The following CMYA5 variants were observed in gnomAD, a reference collection of about 807,000 sequenced individuals.
CMYA5 encodes the protein cardiomyopathy associated 5.
A neutral mutation model predicts 318.9 loss-of-function variants in CMYA5; 246 were observed. The observed-to-expected ratio is 0.77, with a 90% CI of 0.70 to 0.86. CMYA5 has a LOEUF of 0.86. CMYA5 is among the 40% of genes least tolerant of loss of function. The probability of loss-of-function intolerance (pLI) is 0.00; values close to 1 mark genes in which losing one functional copy is unlikely to be tolerated. For synonymous variants in CMYA5, 1,641 were observed against 1,729.5 expected (o/e 0.95, Z 1.27); for missense variants, 4,589 against 4,678.2 (o/e 0.98, Z 0.56).
Position 79,747,125 on chromosome 5 carries a change from A to G in CMYA5, c.10991+12A>G, listed in dbSNP as rs1828345546. The stretch of plus-strand genomic sequence containing the variant: ...GAAATCAATGAAAGGTATATAAAAC[A>G]TGATACAATGTAGTGGCAAACAGCA... On this transcript the variant is annotated intron_variant, in intron 5 of 12. Transcript: ENST00000446378. 1 of 1,547,754 alleles carries G rather than the reference A, an allele frequency of 6.5e-7. No individual in the cohort carries two copies. Among genetic ancestry groups the G allele is most frequent in the Non-Finnish European group, 8.7e-7 (1 of 1,144,950 alleles).
Position 79,736,928 on chromosome 5 carries a change from G to C in CMYA5, c.8163G>C (p.Lys2721Asn). 1 of 1,613,416 alleles carries C rather than the reference G, an allele frequency of 6.2e-7. No homozygotes were observed. The highest frequency in any genetic ancestry group is 8.5e-7 in the Non-Finnish European group (1 of 1,179,740). ...GTAAAGTTTTGGTGGAGAAAACTAA[G>C]ACTTTCCTGCCAGTGGTTCTTTCTT... ...EESKVLVEKT[K>N]TFLPVVLSCH... is the part of the protein sequence containing the mutation. The change falls in exon 2 of 13, where the codon AAG becomes AAC. Residue 2721 changes from lysine (K) to asparagine (N), a missense_variant. Lys to Asn is a moderately conservative substitution (Grantham distance 94, BLOSUM62 0). Around this residue, in one of 3 missense-constraint regions of CMYA5, gnomAD observed 2,431 missense variants for 2,495.1 expected, o/e 0.97. Transcript: ENST00000446378.
chr5:79,693,751 A>C (rs905473432), intron 1 of CMYA5, among the ~76,000 whole-genome samples: 1 of 152,212 alleles, frequency 6.6e-6, no homozygotes, highest in Non-Finnish European at 1.5e-5. Flanking sequence ...AACTCCTACA[A>C]TGTGCCAGAG....
chr5:79,792,010 TG>T (rs1392226373), intron 11 of CMYA5, among the ~76,000 whole-genome samples: 3 of 152,198 alleles, frequency 2.0e-5, no homozygotes, highest in African/African-American at 7.2e-5. Flanking sequence ...TGTCGGTGGC[TG>T]GCAGGTGCTC....
chr5:79,755,304 C>G (rs1828505837), intron 6 of CMYA5, among the ~76,000 whole-genome samples: 1 of 151,154 alleles, frequency 6.6e-6, no homozygotes, highest in Non-Finnish European at 1.5e-5. Context: ...TTTTTTTTCC[C>G]CACACAGAGT....
At chr5:79,746,238 T>G (rs1258623177) in intron 4 of CMYA5, among the ~76,000 whole-genome samples, 1 of 152,072 alleles carries the variant, frequency 6.6e-6, no homozygotes, top group Non-Finnish European at 1.5e-5. Flanking sequence ...CTTTCAAAGT[T>G]CCCCATCCTC....
intron 9 of CMYA5, among the ~76,000 whole-genome samples, chr5:79,776,988 C>T (rs1461591972): frequency 6.6e-6 from 1 of 152,132 alleles, no homozygotes; most frequent in African/African-American, 2.4e-5. Context: ...GCCAACCCCT[C>T]AAGTTACCTT....
Position 79,730,901 on chromosome 5 carries a change from G to GAAAACA in CMYA5, c.2138_2143dup (p.Lys713_Thr714dup). The GAAAACA allele has an allele frequency of 6.2e-7, 1 of 1,613,956 alleles. No individual in the cohort carries two copies. Among genetic ancestry groups the GAAAACA allele is most frequent in the South Asian group, 1.1e-5 (1 of 91,074 alleles). On this transcript the variant is annotated inframe_insertion, in exon 2 of 13. Transcript: ENST00000446378. ...CACTGGCAACAAAAGAGTCACTGAA[G>GAAAACA]AAAACAATTGACCGTAAGTCCCCGT...
intron 12 of CMYA5, among the ~76,000 whole-genome samples, chr5:79,798,650 T>C (rs1334280148): frequency 6.6e-6 from 1 of 152,194 alleles, no homozygotes; most frequent in African/African-American, 2.4e-5. Flanking sequence ...CCATACAGTA[T>C]GGGATCCCAG....
At chr5:79,702,757 T>G (rs1271774292) in intron 1 of CMYA5, among the ~76,000 whole-genome samples, 1 of 152,178 alleles carries the variant, frequency 6.6e-6, no homozygotes, top group African/African-American at 2.4e-5. Context: ...AATTTTATAG[T>G]ATGTGAATCA....
intron 1 of CMYA5, among the ~76,000 whole-genome samples, chr5:79,727,879 A>G (rs1827779970): frequency 6.6e-6 from 1 of 152,246 alleles, no homozygotes; most frequent in Non-Finnish European, 1.5e-5. Context: ...AGACCAGTCC[A>G]CGGACACAGC....
chr5:79,765,082 G>A (rs1181823320), intron 9 of CMYA5, among the ~76,000 whole-genome samples: 6 of 152,240 alleles, frequency 3.9e-5, no homozygotes, highest in African/African-American at 1.2e-4. Flanking sequence ...GTCCTGAATG[G>A]TATTGCCTAG....
rs1319629963 is a variant in CMYA5, at chr5:79,733,537, A to G, written c.4772A>G (p.Lys1591Arg). Residue 1591 changes from lysine (K) to arginine (R), a missense_variant, in exon 2 of 13, where the codon AAG becomes AGG. Lys to Arg is a conservative substitution (Grantham distance 26). Around this residue, in one of 3 missense-constraint regions of CMYA5, gnomAD observed 2,132 missense variants for 2,131.3 expected, o/e 1.00. Transcript: ENST00000446378. ...APTLLLLSDD[K>R]NKPAVEVSST... ...ACATTACTGCTCCTCAGTGATGATA[A>G]GAACAAACCGGCAGTGGAGGTATCT... The G allele has an allele frequency of 6.2e-7, 1 of 1,613,974 alleles. No individual in the cohort carries two copies. The highest frequency in any genetic ancestry group is 1.7e-5 in the Admixed American group (1 of 60,020).
intron 5 of CMYA5, 65 bp from the exon 6 acceptor site, chr5:79,752,611 T>G (rs1388052795): frequency 8.2e-7 from 1 of 1,217,128 alleles, no homozygotes; most frequent in Non-Finnish European, 1.2e-6. Flanking sequence ...TTTGAACAAT[T>G]TTTTTCACTT....
chr5:79,791,079 A>G lies in CMYA5; in HGVS notation c.11789+10A>G. ...GGAGACGGCTGACGGAGTAAGTAGA[A>G]GAAGAAAGCACAAGTGGGCTGATGG... is the stretch of plus-strand genomic sequence containing the variant. On this transcript the variant is annotated intron_variant, in intron 11 of 12. Transcript: ENST00000446378. 1.2e-6 allele frequency: 2 copies of G among 1,601,618 alleles called. No individual in the cohort carries two copies. The highest frequency in any genetic ancestry group is 1.7e-6 in the Non-Finnish European group (2 of 1,169,542).
At position 79,731,553 on chromosome 5, in the gene CMYA5, T is replaced by C; in HGVS notation, c.2788T>C (p.Ser930Pro). Reference sequence around the variant, plus strand: ...ATCTCTAAATCTAAAAGGTGCATCCTCACCCATGAATTTATCAGAAGAAGA... The same window carrying C: ...ATCTCTAAATCTAAAAGGTGCATCCCCACCCATGAATTTATCAGAAGAAGA... ...HRSLNLKGAS[S>P]PMNLSEEDQE... Residue 930 changes from serine (S) to proline (P), a missense_variant, in exon 2 of 13, where the codon TCA becomes CCA. Coordinates refer to ENST00000446378, the MANE Select transcript of CMYA5 (RefSeq NM_153610.5). 1 of 1,608,556 alleles carries C rather than the reference T, an allele frequency of 6.2e-7. No individual in the cohort carries two copies. The highest frequency in any genetic ancestry group is 8.5e-7 in the Non-Finnish European group (1 of 1,177,378).
At position 79,734,417 on chromosome 5, in the gene CMYA5, A is replaced by G; in HGVS notation, c.5652A>G (p.Glu1884=). The change falls in exon 2 of 13, where the codon GAA becomes GAG. Residue 1884 remains glutamate, a synonymous_variant. Transcript: ENST00000446378. The part of the protein sequence containing the change: ...PADVKETKME[E]FFISPKDENW... Reference sequence around the variant, plus strand: ...ATGTCAAAGAAACAAAAATGGAAGAATTCTTTATTTCTCCAAAGGATGAAA... The same window carrying G: ...ATGTCAAAGAAACAAAAATGGAAGAGTTCTTTATTTCTCCAAAGGATGAAA... The G allele has an allele frequency of 6.2e-7, 1 of 1,613,762 alleles. No homozygotes were observed. The highest frequency in any genetic ancestry group is 8.5e-7 in the Non-Finnish European group (1 of 1,179,784).
chr5:79,729,776 A>G lies in CMYA5; in HGVS notation c.1011A>G (p.Ala337=). 1 of 1,613,972 alleles carries G rather than the reference A, an allele frequency of 6.2e-7. No homozygotes were observed. Among genetic ancestry groups the G allele is most frequent in the Non-Finnish European group, 8.5e-7 (1 of 1,179,866 alleles). The change falls in exon 2 of 13, where the codon GCA becomes GCG. Residue 337 remains alanine (A), a synonymous_variant. Coordinates refer to ENST00000446378, the MANE Select transcript of CMYA5 (RefSeq NM_153610.5). ...ATTCTCCCCTAAATGCCACATCTGC[A>G]TTGGAGCACACAGTTCCCTCTTATT... ...YADSPLNATS[A]LEHTVPSYSS...
chr5:79,771,134 A>G (rs186071941), intron 9 of CMYA5, among the ~76,000 whole-genome samples: 66 of 152,166 alleles, frequency 4.3e-4, no homozygotes, highest in Non-Finnish European at 6.5e-4. Context: ...TAGCCCAAGT[A>G]CTTTAGGTAT....
At chr5:79,742,108 C>CTCT (rs10531856) in intron 2 of CMYA5, among the ~76,000 whole-genome samples, 1 of 138,944 alleles carries the variant, frequency 7.2e-6, no homozygotes, top group Non-Finnish European at 1.5e-5. Flanking sequence ...CTTTCTTCTT[C>CTCT]TCTTCTTCTT....
Sources: gnomAD v4.1 joint callset for allele counts (sites outside exome capture counted in the v4.1 genomes callset) on GRCh38, gnomAD v4.1.1 for gene constraint, gnomAD v4.1.1 regional missense constraint, MANE v1.5 for transcripts, NCBI Gene and HGNC (gene_info 2026-07-23, HGNC 2026-07-21) for gene names.